Variants in SDK1 observed in about 807,000 individuals in gnomAD.
SDK1 encodes protein sidekick-1.
Under a neutral mutation model 245.5 loss-of-function variants are expected in SDK1, and 157 were observed. The observed-to-expected ratio is 0.64, with a 90% CI of 0.56 to 0.73. The LOEUF is 0.73. SDK1 is among the 30% of genes least tolerant of loss of function. SDK1 has a pLI of 0.00. For synonymous variants in SDK1, 1,647 were observed against 1,278.5 expected, an observed-to-expected ratio of 1.29 and a Z score of -6.15; for missense variants, 3,583 against 3,002.3, an observed-to-expected ratio of 1.19 and a Z score of -4.52.
chr7:3,507,729 A>G (rs1301041571), intron 1 of SDK1, among the ~76,000 whole-genome samples: 1 of 152,098 alleles, frequency 6.6e-6, no homozygotes, highest in East Asian at 1.9e-4. Context: ...TTTCTCCTGC[A>G]TGGTCAAATT....
chr7:3,721,649 A>T (rs896477380), intron 4 of SDK1, among the ~76,000 whole-genome samples: 1 of 152,020 alleles, frequency 6.6e-6, no homozygotes, highest in African/African-American at 2.4e-5. Flanking sequence ...GGTGTTTCCA[A>T]AGGAGGGTAG....
At chr7:3,723,238 A>G (rs981551998) in intron 4 of SDK1, among the ~76,000 whole-genome samples, 6 of 152,232 alleles carry the variant, frequency 3.9e-5, no homozygotes, top group African/African-American at 1.4e-4. Flanking sequence ...AATAAGTTAG[A>G]CCAAGTAAGT....
At position 4,183,267 on chromosome 7, in the gene SDK1, C is replaced by A. The variant is rs193095935; in HGVS notation, c.5098+4681C>A. Among the ~76,000 whole-genome samples, 6 of 152,254 alleles carry A rather than the reference C, an allele frequency of 3.9e-5. No individual in the cohort carries two copies. The East Asian group carries it at 1.2e-3, about 29-fold the overall frequency. ...GTAGTTTCTATAATAGTGATGTTAT[C>A]TTTAGAAGCAACTGGGAAAGTCACT... is the stretch of plus-strand genomic sequence containing the variant. On this transcript the variant is annotated intron_variant, in intron 35 of 44. Transcript: ENST00000404826.
At chr7:3,450,896 A>G (rs1338522556) in intron 1 of SDK1, among the ~76,000 whole-genome samples, 1 of 152,132 alleles carries the variant, frequency 6.6e-6, no homozygotes, top group Non-Finnish European at 1.5e-5. Context: ...GAGACATAGG[A>G]AGAAAATAGG....
chr7:4,242,336 T>G (rs1260775267), intron 43 of SDK1, among the ~76,000 whole-genome samples: 1 of 152,100 alleles, frequency 6.6e-6, no homozygotes, highest in Non-Finnish European at 1.5e-5. Context: ...CTCTGTGTAT[T>G]CCAAAGTTTT....
intron 29 of SDK1, among the ~76,000 whole-genome samples, chr7:4,147,885 C>T (rs1332932230): frequency 6.6e-6 from 1 of 152,162 alleles, no homozygotes; most frequent in South Asian, 2.1e-4. Flanking sequence ...GTGCCCCTCC[C>T]GCGAGCCAGG....
chr7:3,501,796 C>G (rs191617933), intron 1 of SDK1, among the ~76,000 whole-genome samples: 1 of 152,096 alleles, frequency 6.6e-6, no homozygotes, highest in African/African-American at 2.4e-5. Flanking sequence ...AGTATGTTCT[C>G]ACAAGTAATG....
At chr7:4,043,800 T>G (rs2128163601) in intron 17 of SDK1, among the ~76,000 whole-genome samples, 1 of 152,282 alleles carries the variant, frequency 6.6e-6, no homozygotes, top group Non-Finnish European at 1.5e-5. Flanking sequence ...TATTCTGGCA[T>G]TCCTGAGTCA....
chr7:4,059,865 G>T (rs967961916), intron 19 of SDK1, among the ~76,000 whole-genome samples: 2 of 151,678 alleles, frequency 1.3e-5, no homozygotes, highest in Non-Finnish European at 2.9e-5. Context: ...AAATTAAGGA[G>T]GAAATTTAAA....
At chr7:3,505,028 T>A (rs1006392014) in intron 1 of SDK1, among the ~76,000 whole-genome samples, 1 of 152,214 alleles carries the variant, frequency 6.6e-6, no homozygotes, top group Non-Finnish European at 1.5e-5. Context: ...ACTCCTGATG[T>A]TTCATTTCAT....
chr7:3,465,923 CTG>C (rs1187653283), intron 1 of SDK1, among the ~76,000 whole-genome samples: 2 of 152,112 alleles, frequency 1.3e-5, no homozygotes, highest in African/African-American at 4.8e-5. Flanking sequence ...TCCAAGTTGT[CTG>C]TGAATAAAAA....
intron 1 of SDK1, among the ~76,000 whole-genome samples, chr7:3,508,952 A>T (rs890722818): frequency 1.3e-5 from 2 of 151,842 alleles, no homozygotes; most frequent in African/African-American, 4.9e-5. Flanking sequence ...AAGGATAAAC[A>T]TATCTGCACT....
At chr7:4,162,255 G>A (rs559262180) in intron 32 of SDK1, among the ~76,000 whole-genome samples, 13 of 152,088 alleles carry the variant, frequency 8.5e-5, no homozygotes, top group Non-Finnish European at 1.2e-4. Flanking sequence ...TGCAACCGCT[G>A]GAGTTAGCTT....
chr7:3,467,203 T>G (rs1032317774), intron 1 of SDK1, among the ~76,000 whole-genome samples: 2 of 152,176 alleles, frequency 1.3e-5, no homozygotes, highest in African/African-American at 4.8e-5. Flanking sequence ...ATGTATGTAC[T>G]ACTTTACAAT....
In SDK1 at chr7:4,065,444, C is replaced by T. The variant is rs1299792264; in HGVS notation, c.2912-2394C>T. Among the ~76,000 whole-genome samples, 3 of 137,086 alleles carry T rather than the reference C, an allele frequency of 2.2e-5. No homozygotes were observed. The East Asian group carries it at 5.9e-4, about 27-fold the overall frequency. 89.9% of individuals were successfully genotyped at this position (137,086 alleles called of 152,430 possible). A position where few individuals can be genotyped will look rare whatever the true frequency, so the allele number is the denominator to read the frequency against. ...AGGACAGCATCTTTGGGCAGGAATC[C>T]AGGAAGCAGAAACATAATATAAAAG... On this transcript the variant is annotated intron_variant, in intron 19 of 44. Coordinates refer to ENST00000404826, the MANE Select transcript of SDK1 (RefSeq NM_152744.4).
chr7:4,233,220 T>C, intron 40 of SDK1, 35 bp from the exon 41 acceptor site: 5 of 1,599,160 alleles, frequency 3.1e-6, no homozygotes, highest in Non-Finnish European at 4.3e-6. Context: ...TTCGCACTTC[T>C]AACCTCTGCT....
At chr7:3,554,537 T>C (rs541349015) in intron 1 of SDK1, among the ~76,000 whole-genome samples, 3 of 152,298 alleles carry the variant, frequency 2.0e-5, no homozygotes, top group African/African-American at 7.2e-5. Flanking sequence ...GAGATTGTAC[T>C]CACTCCTCCA....
chr7:4,212,666 G>T (rs1275414354), intron 38 of SDK1, among the ~76,000 whole-genome samples: 2 of 152,200 alleles, frequency 1.3e-5, no homozygotes, highest in African/African-American at 2.4e-5. Context: ...CATGCCATTT[G>T]CTCTTGCTTG....
chr7:3,416,615 TC>T (rs1360303905), intron 1 of SDK1, among the ~76,000 whole-genome samples: 1 of 152,130 alleles, frequency 6.6e-6, no homozygotes, highest in Admixed American at 6.5e-5. Context: ...CTTCTTCTAG[TC>T]CAGCCTTTGC....
Sources: allele counts gnomAD v4.1 joint callset (sites outside exome capture counted in the v4.1 genomes callset), GRCh38; gene constraint gnomAD v4.1.1; transcripts MANE v1.5; gene names NCBI Gene and HGNC (gene_info 2026-07-23, HGNC 2026-07-21).